The following RB1CC1 variants were observed in gnomAD, a reference collection of about 807,000 sequenced individuals.
The protein encoded by RB1CC1 is RB1-inducible coiled-coil protein 1.
RB1CC1 carries 46 observed loss-of-function variants against 177.5 expected under a neutral mutation model. The observed-to-expected ratio is 0.26, with a 90% CI of 0.20 to 0.33. The LOEUF (loss-of-function observed/expected upper bound fraction) is 0.33, where lower values mean the gene tolerates loss of function less well. Ranked by LOEUF, RB1CC1 falls within the 10% of genes least tolerant of loss-of-function variation. RB1CC1 has a pLI of 1.00. For missense variants in RB1CC1, 1,703 were observed against 1,816.3 expected (o/e 0.94, Z 1.13); for synonymous variants, 666 against 613.6 (o/e 1.09, Z -1.26).
chr8:52,710,126 C>T (rs753546910), intron 1 of RB1CC1, among the ~76,000 whole-genome samples: 5 of 152,148 alleles, frequency 3.3e-5, no homozygotes, highest in Admixed American at 2.0e-4. Flanking sequence ...GTCTAGGTTG[C>T]CCAGGGACTG....
intron 1 of RB1CC1, among the ~76,000 whole-genome samples, chr8:52,688,156 T>C (rs1302523893): frequency 1.3e-5 from 2 of 152,150 alleles, no homozygotes; most frequent in Non-Finnish European, 2.9e-5. Context: ...GTTTGAACAA[T>C]ATGCAATCAG....
chr8:52,642,675 T>TA lies in RB1CC1; in HGVS notation c.4096+28dup, dbSNP rs748247844. ...ATGTATCTTTTCCACTTTAAAAAAT[T>TA]AAAAAAAATAGTACAAAACAGTACA... On this transcript the variant is annotated intron_variant, in intron 17 of 23. Coordinates refer to ENST00000025008, the MANE Select transcript of RB1CC1 (RefSeq NM_014781.5). 4.7e-4 allele frequency: 743 copies of TA among 1,569,716 alleles called. 1 individual carries two copies. Among genetic ancestry groups the TA allele is most frequent in the Non-Finnish European group, 8.4e-5 (98 of 1,164,058 alleles).
intron 1 of RB1CC1, among the ~76,000 whole-genome samples, chr8:52,695,593 T>C (rs1011711998): frequency 6.6e-5 from 10 of 152,278 alleles, no homozygotes; most frequent in Middle Eastern, 3.4e-3. Flanking sequence ...ATGTGGACAG[T>C]ACAGGATCAA....
At chr8:52,704,332 T>A (rs533474669) in intron 1 of RB1CC1, among the ~76,000 whole-genome samples, 3 of 151,810 alleles carry the variant, frequency 2.0e-5, no homozygotes, top group African/African-American at 7.2e-5. Flanking sequence ...TGTGTGTTAG[T>A]GCCAAAAAGT....
chr8:52,636,619 G>A (rs1157706871), intron 18 of RB1CC1, among the ~76,000 whole-genome samples: 1 of 152,108 alleles, frequency 6.6e-6, no homozygotes, highest in Non-Finnish European at 1.5e-5. Context: ...TTGATGCAAG[G>A]CAGGTATTCT....
intron 18 of RB1CC1, among the ~76,000 whole-genome samples, chr8:52,637,875 TG>T (rs1201378624): frequency 2.0e-5 from 3 of 152,140 alleles, no homozygotes; most frequent in African/African-American, 7.2e-5. Flanking sequence ...TTCACCATGT[TG>T]GCCAGGCTGA....
Position 52,657,985 on chromosome 8 carries a change from G to A in RB1CC1, c.1920+13C>T. The A allele has an allele frequency of 1.9e-6, 3 of 1,613,570 alleles. No homozygotes were observed. The highest frequency in any genetic ancestry group is 2.5e-6 in the Non-Finnish European group (3 of 1,179,856). On this transcript the variant is annotated intron_variant, in intron 14 of 23. Transcript: ENST00000025008. Reference sequence around the variant, plus strand: ...CACTAATGAAGAAAACTGTTTGAAAGAATTGAATTTGCCTTTTGTTCACTC... The same window carrying A: ...CACTAATGAAGAAAACTGTTTGAAAAAATTGAATTTGCCTTTTGTTCACTC...
chr8:52,696,114 G>A (rs577370325), intron 1 of RB1CC1, among the ~76,000 whole-genome samples: 12 of 152,182 alleles, frequency 7.9e-5, no homozygotes, highest in Admixed American at 2.6e-4. Flanking sequence ...GCACAATCTC[G>A]GCTCACTGCA....
chr8:52,701,688 C>T (rs1459665133), intron 1 of RB1CC1, among the ~76,000 whole-genome samples: 4 of 151,980 alleles, frequency 2.6e-5, no homozygotes, highest in African/African-American at 9.7e-5. Flanking sequence ...TCACCATGCT[C>T]GGCCAGATCA....
rs1289282743 is a variant in RB1CC1 at position 52,623,135 on chromosome 8, T to A, written c.*647A>T. The A allele has an allele frequency of 1.9e-5, 3 of 154,232 alleles. No individual in the cohort carries two copies. Among genetic ancestry groups the A allele is most frequent in the Non-Finnish European group, 2.9e-5 (2 of 69,310 alleles). 9.6% of individuals were successfully genotyped at this position (154,232 alleles called of 1,614,324 possible). The stretch of plus-strand genomic sequence containing the variant: ...TTTAGAACCCAGATGACCAATCCAC[T>A]GAAAGTGCTTTTGAAGATTGCTGAT... On this transcript the variant is annotated 3_prime_UTR_variant, in exon 24 of 24. Coordinates refer to ENST00000025008, the MANE Select transcript of RB1CC1 (RefSeq NM_014781.5).
In RB1CC1 at chr8:52,627,011, T is replaced by C. The variant is rs1006607104; in HGVS notation, c.4636+1021A>G. ...TCAAGGCTACAGTGACCAATGATCA[T>C]GCCACTGCACTCCAGCCTGGGTAAC... On this transcript the variant is annotated intron_variant, in intron 22 of 23. Coordinates refer to ENST00000025008, the MANE Select transcript of RB1CC1 (RefSeq NM_014781.5). Among the ~76,000 whole-genome samples, 7 of 152,154 alleles carry C rather than the reference T, an allele frequency of 4.6e-5. No individual in the cohort carries two copies. In the East Asian group the frequency reaches 5.8e-4, roughly 13 times the overall value.
intron 1 of RB1CC1, among the ~76,000 whole-genome samples, chr8:52,697,324 T>C (rs1253111139): frequency 6.6e-6 from 1 of 151,726 alleles, no homozygotes; most frequent in East Asian, 1.9e-4. Flanking sequence ...GAAGACTTTT[T>C]ATAAACTAAA....
intron 1 of RB1CC1, among the ~76,000 whole-genome samples, chr8:52,693,087 C>T (rs927518296): frequency 2.7e-4 from 41 of 152,130 alleles, no homozygotes; most frequent in Admixed American, 2.2e-3. Context: ...AAAACTGAAA[C>T]GGAATCCCTT....
intron 8 of RB1CC1, among the ~76,000 whole-genome samples, chr8:52,664,403 A>G (rs1246608570): frequency 6.6e-6 from 1 of 152,184 alleles, no homozygotes. Flanking sequence ...TAAATATTTA[A>G]TTGTCTCGAA....
At chr8:52,623,905 ATC>A (rs201357203) in intron 23 of RB1CC1, 46 bp from the exon 24 acceptor site, 299 of 1,221,782 alleles carry the variant, frequency 2.4e-4, no homozygotes, top group Non-Finnish European at 2.8e-4. Context: ...ATTAAACCAC[ATC>A]TCTCTCTCTC....
chr8:52,688,108 A>T (rs952487642), intron 1 of RB1CC1, among the ~76,000 whole-genome samples: 5 of 152,204 alleles, frequency 3.3e-5, no homozygotes, highest in African/African-American at 1.2e-4. Flanking sequence ...CACTGTGATA[A>T]TTGTGTTAAC....
chr8:52,670,088 T>C (rs1383745391), intron 7 of RB1CC1, among the ~76,000 whole-genome samples: 1 of 152,146 alleles, frequency 6.6e-6, no homozygotes. Flanking sequence ...TACAGGCATG[T>C]GCCACCACAA....
chr8:52,689,467 GTAGGT>G lies in RB1CC1; in HGVS notation c.-166-2505_-166-2501del, dbSNP rs558402726. Reference sequence around the variant, plus strand: ...TCAAAGAAATCTTCCTACATGCTAGGTAGGTTGATCCAAGTTTTTCTGCTGCTTTA... The same window carrying G: ...TCAAAGAAATCTTCCTACATGCTAGGTGATCCAAGTTTTTCTGCTGCTTTA... On this transcript the variant is annotated intron_variant, in intron 1 of 23. Transcript: ENST00000025008. 5.6e-4 allele frequency among the ~76,000 whole-genome samples: 86 copies of G among 152,238 alleles called. 3 individuals carry two copies. In the South Asian group the frequency reaches 0.017, roughly 31 times the overall value.
chr8:52,625,626 C>T (rs1563341363), intron 22 of RB1CC1, among the ~76,000 whole-genome samples: 1 of 152,142 alleles, frequency 6.6e-6, no homozygotes, highest in Non-Finnish European at 1.5e-5. Flanking sequence ...ATCTACCATA[C>T]ACCATAGCTT....
Sources: gnomAD v4.1 joint callset for allele counts (sites outside exome capture counted in the v4.1 genomes callset) on GRCh38, gnomAD v4.1.1 for gene constraint, MANE v1.5 for transcripts, NCBI Gene and HGNC (gene_info 2026-07-23, HGNC 2026-07-21) for gene names.